Variants in JHY observed in about 807,000 individuals in gnomAD.
The protein encoded by JHY is junctional cadherin complex regulator.
In JHY, 69 loss-of-function variants were observed where a neutral mutation model predicts 78.0. That is an observed-to-expected ratio of 0.88 (90% CI 0.73 to 1.08). The LOEUF is 1.08. Ranked by LOEUF, JHY falls within the 50% of genes least tolerant of loss-of-function variation. The pLI is 0.00. For missense variants in JHY, 944 were observed against 927.8 expected (o/e 1.02, Z -0.23); for synonymous variants, 368 against 342.6 (o/e 1.07, Z -0.82).
chr11:122,884,538 T>G (rs1449195567), intron 1 of JHY, among the ~76,000 whole-genome samples: 1 of 152,154 alleles, frequency 6.6e-6, no homozygotes, highest in Non-Finnish European at 1.5e-5. Context: ...AAAAACATCA[T>G]GTCCGTTCGG....
rs182681615 is a variant in JHY, at chr11:122,901,499, C to G, written c.345-2426C>G. Among the ~76,000 whole-genome samples, 69 of 152,062 alleles carry G rather than the reference C, an allele frequency of 4.5e-4. 1 individual carries two copies. Among genetic ancestry groups the G allele is most frequent in the African/African-American group, 1.5e-3 (64 of 41,480 alleles). ...ACTTTTTAACTCTTTTGTAATAACA[C>G]AGCTTAAAACACAAATACATTGTAC... On this transcript the variant is annotated intron_variant, in intron 2 of 8. Coordinates refer to ENST00000227349, the MANE Select transcript of JHY (RefSeq NM_024806.4).
chr11:122,955,799 G>T (rs1328232230), intron 6 of JHY, among the ~76,000 whole-genome samples: 1 of 152,108 alleles, frequency 6.6e-6, no homozygotes, highest in Non-Finnish European at 1.5e-5. Context: ...TTGAAAGGTT[G>T]CTACCTTCTT....
rs373210111 is a variant in JHY at position 122,921,974 on chromosome 11, T to TG, written c.865-2921dup. 2.5e-3 allele frequency among the ~76,000 whole-genome samples: 372 copies of TG among 151,754 alleles called. 1 individual carries two copies. The highest frequency in any genetic ancestry group is 8.6e-3 in the African/African-American group (355 of 41,422). On this transcript the variant is annotated intron_variant, in intron 3 of 8. Coordinates refer to ENST00000227349, the MANE Select transcript of JHY (RefSeq NM_024806.4). ...CCAGCCTGGACCACAGAGCAAGATCTGGAAAAAAAAAAGAGAGAGAAAGAA... is the reference window on the plus strand; with the variant it reads ...CCAGCCTGGACCACAGAGCAAGATCTGGGAAAAAAAAAAGAGAGAGAAAGAA...
At chr11:122,939,497 C>A (rs528167624) in intron 5 of JHY, among the ~76,000 whole-genome samples, 1 of 152,116 alleles carries the variant, frequency 6.6e-6, no homozygotes, top group African/African-American at 2.4e-5. Context: ...TCTCTGCTTC[C>A]GAAATATTTG....
chr11:122,904,585 C>G (rs1862946480), intron 3 of JHY, 141 bp downstream of exon 3: 2 of 933,704 alleles, frequency 2.1e-6, no homozygotes, highest in Non-Finnish European at 3.3e-6. Flanking sequence ...CTTCCATAGG[C>G]TATCCTGTAT....
At position 122,883,055 on chromosome 11, in the gene JHY, G is replaced by C. The variant is rs1862415597; in HGVS notation, c.-90+83G>C. ...GGAAGGGCTTACTGGGGATGGGGAC[G>C]GCAGGAAACCACCCAAGCAAGCTGG... On this transcript the variant is annotated intron_variant, in intron 1 of 8. Transcript: ENST00000227349. This position sits in a 1 kb window ranked among gnomAD's most constrained non-coding sequence, Gnocchi z 4.4. The C allele has an allele frequency of 6.5e-6, 1 of 152,958 alleles. No individual in the cohort carries two copies. The highest frequency in any genetic ancestry group is 1.5e-5 in the Non-Finnish European group (1 of 68,174). 9.5% of individuals were successfully genotyped at this position (152,958 alleles called of 1,614,324 possible).
intron 3 of JHY, among the ~76,000 whole-genome samples, chr11:122,907,755 A>G (rs1863025619): frequency 6.6e-6 from 1 of 151,246 alleles, no homozygotes; most frequent in Non-Finnish European, 1.5e-5. Context: ...GAGGCAGGAG[A>G]ATCGCTCGAA....
chr11:122,943,640 C>G lies in JHY; in HGVS notation c.1635-2858C>G, dbSNP rs1863914389. Among the ~76,000 whole-genome samples the G allele has an allele frequency of 5.3e-5, 8 of 152,126 alleles. No individual in the cohort carries two copies. In the South Asian group the frequency reaches 1.5e-3, roughly 28 times the overall value. ...TTGAACTTATGTTATTAGGGACATG[C>G]AGATTTATAATTGATATATCTTCCT... On this transcript the variant is annotated intron_variant, in intron 5 of 8. Coordinates refer to ENST00000227349, the MANE Select transcript of JHY (RefSeq NM_024806.4).
chr11:122,912,011 G>T (rs569925085), intron 3 of JHY, among the ~76,000 whole-genome samples: 1 of 151,460 alleles, frequency 6.6e-6, no homozygotes, highest in East Asian at 1.9e-4. Context: ...TGGGGGTTGG[G>T]CATGGTGGCT....
rs761781669 is a variant in JHY at position 122,946,643 on chromosome 11, C to T, written c.1780C>T (p.Pro594Ser). Residue 594 changes from proline to serine, a missense_variant, in exon 6 of 9, where the codon CCA (proline) becomes TCA (serine). Transcript: ENST00000227349. ...SEGALSSVTL[P>S]PILSRVESES... ...AGGGGCCTTATCCAGCGTCACGCTT[C>T]CACCTATACTGTCAAGGGTAGAAAG... 1 of 1,614,124 alleles carries T rather than the reference C, an allele frequency of 6.2e-7. No individual in the cohort carries two copies. Among genetic ancestry groups the T allele is most frequent in the Non-Finnish European group, 8.5e-7 (1 of 1,180,020 alleles).
At chr11:122,959,217 T>C in intron 8 of JHY, 31 bp from the exon 9 acceptor site, 2 of 1,587,672 alleles carry the variant, frequency 1.3e-6, no homozygotes, top group Non-Finnish European at 8.6e-7. Flanking sequence ...CACTTCCCAT[T>C]TCAAATAAAA....
chr11:122,921,371 T>C (rs1021794243), intron 3 of JHY, among the ~76,000 whole-genome samples: 4 of 152,222 alleles, frequency 2.6e-5, no homozygotes, highest in African/African-American at 9.6e-5. Flanking sequence ...AGCATCCTCA[T>C]GGCAGATCTA....
chr11:122,956,202 A>G (rs1320825008), intron 6 of JHY, among the ~76,000 whole-genome samples: 1 of 152,156 alleles, frequency 6.6e-6, no homozygotes, highest in Non-Finnish European at 1.5e-5. Context: ...AAAACAGGAC[A>G]TCACTAGCTT....
chr11:122,936,151 A>G (rs1353522086), intron 5 of JHY, among the ~76,000 whole-genome samples: 1 of 152,210 alleles, frequency 6.6e-6, no homozygotes, highest in African/African-American at 2.4e-5. Flanking sequence ...TACTTCAGGC[A>G]CCATTTCTTG....
intron 2 of JHY, among the ~76,000 whole-genome samples, chr11:122,887,046 A>G (rs1406913640): frequency 6.6e-6 from 1 of 152,224 alleles, no homozygotes; most frequent in African/African-American, 2.4e-5. Flanking sequence ...AGGATATGAG[A>G]GTACAGAAGA....
At chr11:122,957,556 C>CTTTT (rs374289526) in intron 8 of JHY, 65 bp downstream of exon 8, 4 of 981,636 alleles carry the variant, frequency 4.1e-6, no homozygotes, top group East Asian at 9.7e-5. Context: ...TTTATTATCG[C>CTTTT]TTTTTTTTTT....
chr11:122,898,269 C>T lies in JHY; in HGVS notation c.345-5656C>T, dbSNP rs769925154. On this transcript the variant is annotated intron_variant, in intron 2 of 8. Transcript: ENST00000227349. The surrounding 1 kb of genome is among the most constrained non-coding windows in gnomAD (Gnocchi z 4.4). ...TTATCTGTTGACCGACTGATCCATT[C>T]GCTGATTCACATAAGGCAGACACTG... 4.6e-5 allele frequency among the ~76,000 whole-genome samples: 7 copies of T among 152,170 alleles called. No individual in the cohort carries two copies. The highest frequency in any genetic ancestry group is 8.8e-5 in the Non-Finnish European group (6 of 68,040).
At position 122,904,311 on chromosome 11, in the gene JHY, G is replaced by A; in HGVS notation, c.731G>A (p.Arg244His). 2 of 1,614,102 alleles carry A rather than the reference G, an allele frequency of 1.2e-6. No individual in the cohort carries two copies. Among genetic ancestry groups the A allele is most frequent in the Non-Finnish European group, 1.7e-6 (2 of 1,180,030 alleles). The change falls in exon 3 of 9, where the codon CGT becomes CAT. Residue 244 changes from arginine (R) to histidine (H), a missense_variant. Coordinates refer to ENST00000227349, the MANE Select transcript of JHY (RefSeq NM_024806.4). ...SHNEVFLPGS[R>H]GPRRRKSKQH... Reference sequence around the variant, plus strand: ...AACGAGGTTTTCCTGCCGGGATCACGTGGCCCTCGGCGAAGGAAATCCAAA... The same window carrying A: ...AACGAGGTTTTCCTGCCGGGATCACATGGCCCTCGGCGAAGGAAATCCAAA...
intron 3 of JHY, chr11:122,905,919 TA>T (rs1862981102): frequency 1.3e-5 from 2 of 151,902 alleles, no homozygotes; most frequent in African/African-American, 4.8e-5. Context: ...AATTTGGGCC[TA>T]AAAATATTTT....
Sources: allele counts gnomAD v4.1 joint callset (sites outside exome capture counted in the v4.1 genomes callset), GRCh38; gene constraint gnomAD v4.1.1; non-coding constraint Gnocchi (gnomAD v3.1); transcripts MANE v1.5; gene names NCBI Gene and HGNC (gene_info 2026-07-23, HGNC 2026-07-21).